Variants in TNRC6B observed in about 807,000 individuals in gnomAD.
TNRC6B encodes the protein trinucleotide repeat containing adaptor 6B.
Under a neutral mutation model 203.6 loss-of-function variants are expected in TNRC6B, and 52 were observed. The observed-to-expected ratio is 0.26, with a 90% CI of 0.20 to 0.32. TNRC6B has a LOEUF of 0.32. TNRC6B is among the 10% of genes least tolerant of loss of function. The pLI, the probability that TNRC6B is intolerant of heterozygous loss-of-function variation, is 1.00. For synonymous variants in TNRC6B, 838 were observed against 845.7 expected (o/e 0.99, Z 0.16); for missense variants, 1,923 against 2,286.2 (o/e 0.84, Z 3.24).
chr22:40,174,180 T>C (rs1422305341), upstream of TNRC6B, among the ~76,000 whole-genome samples: 1 of 151,868 alleles, frequency 6.6e-6, no homozygotes, highest in Non-Finnish European at 1.5e-5. Context: ...TTTTTTTTTT[T>C]AGAGACAGAG....
chr22:40,208,204 G>A (rs2069512493), intron 1 of TNRC6B, among the ~76,000 whole-genome samples: 1 of 152,024 alleles, frequency 6.6e-6, no homozygotes, highest in Non-Finnish European at 1.5e-5. Flanking sequence ...TCTGGTGGGA[G>A]TGTAAATTGT....
rs554407324 is a variant in TNRC6B, at chr22:40,264,765, A to G, written c.535A>G (p.Thr179Ala). 3 of 1,612,112 alleles carry G rather than the reference A, an allele frequency of 1.9e-6. No homozygotes were observed. The highest frequency in any genetic ancestry group is 2.5e-6 in the Non-Finnish European group (3 of 1,179,090). The part of the protein sequence containing the change: ...WGSGASSNNG[T>A]SPNPIHIWDK... ...CTCGGGAGCCTCCTCCAACAACGGC[A>G]CCTCCCCCAACCCAATTCACATCTG... is the stretch of plus-strand genomic sequence containing the variant. Residue 179 changes from threonine (T) to alanine (A), a missense_variant, in exon 5 of 23, where the codon ACC becomes GCC. Thr to Ala is a moderately conservative substitution (Grantham distance 58). Transcript: ENST00000454349.
At chr22:40,248,301 A>G (rs191680304) in intron 2 of TNRC6B, among the ~76,000 whole-genome samples, 145 of 152,276 alleles carry the variant, frequency 9.5e-4, no homozygotes, top group East Asian at 1.2e-3. Flanking sequence ...AACCTCAGTG[A>G]AAGTTTTCTT....
At chr22:40,253,730 G>A (rs1232763334) in intron 3 of TNRC6B, 1 of 456,128 alleles carries the variant, frequency 2.2e-6, no homozygotes, top group East Asian at 6.9e-5. Context: ...TAAACAGAGG[G>A]AGGGCCTGAC....
At chr22:40,255,713 T>A (rs1247892404) in intron 3 of TNRC6B, among the ~76,000 whole-genome samples, 1 of 152,160 alleles carries the variant, frequency 6.6e-6, no homozygotes, top group Non-Finnish European at 1.5e-5. Flanking sequence ...GTTGACAAAT[T>A]CCTTGCCCAA....
At chr22:40,267,883 G>A (rs1194592228) in intron 5 of TNRC6B, among the ~76,000 whole-genome samples, 2 of 151,178 alleles carry the variant, frequency 1.3e-5, no homozygotes, top group Non-Finnish European at 3.0e-5. Flanking sequence ...AAAAAAAAGA[G>A]CGATTGTTAG....
At chr22:40,138,481 G>C (rs2068619152) in intron 3 of TNRC6B, among the ~76,000 whole-genome samples, 1 of 152,138 alleles carries the variant, frequency 6.6e-6, no homozygotes, top group Non-Finnish European at 1.5e-5. Flanking sequence ...GGCCAGACTG[G>C]TCTCGAATTC....
chr22:40,112,758 T>A (rs1292908128), intron 1 of TNRC6B, among the ~76,000 whole-genome samples: 1 of 152,124 alleles, frequency 6.6e-6, no homozygotes, highest in East Asian at 1.9e-4. Context: ...AGAAATCAAG[T>A]TGTGATGATT....
chr22:40,081,436 A>C (rs1263322612), intron 1 of TNRC6B, among the ~76,000 whole-genome samples: 1 of 151,392 alleles, frequency 6.6e-6, no homozygotes, highest in Non-Finnish European at 1.5e-5. Context: ...GTCTCATCAG[A>C]GTTCCCTGCT....
rs2044020142 is a variant in TNRC6B at position 40,335,194 on chromosome 22, T to C, written c.*11953T>C. 7.7e-6 allele frequency: 1 copy of C among 129,938 alleles called. No homozygotes were observed. Among genetic ancestry groups the C allele is most frequent in the South Asian group, 2.5e-4 (1 of 3,932 alleles). The allele number at this position is 129,938 out of a possible 1,614,324, so 8.0% of individuals were successfully genotyped here. Reference sequence around the variant, plus strand: ...TTTTTTTTTTTTTTTTTTTTTAGCATAGAGGTTTAATCAAACTCCCATATG... The same window carrying C: ...TTTTTTTTTTTTTTTTTTTTTAGCACAGAGGTTTAATCAAACTCCCATATG... On this transcript the variant is annotated 3_prime_UTR_variant, in exon 23 of 23. Coordinates refer to ENST00000454349, the MANE Select transcript of TNRC6B (RefSeq NM_001162501.2).
chr22:40,188,817 G>T (rs1338561479), intron 1 of TNRC6B, among the ~76,000 whole-genome samples: 1 of 152,168 alleles, frequency 6.6e-6, no homozygotes, highest in Non-Finnish European at 1.5e-5. Flanking sequence ...TGCTGAAACA[G>T]AAGTATTTAC....
intron 1 of TNRC6B, among the ~76,000 whole-genome samples, chr22:40,200,795 C>G (rs924661592): frequency 2.0e-5 from 3 of 152,104 alleles, no homozygotes; most frequent in African/African-American, 7.2e-5. Context: ...GGTCATCAGT[C>G]AAAACCCCTG....
rs1290582622 is a variant in TNRC6B at position 40,328,941 on chromosome 22, A to G, written c.*5700A>G. 6.6e-6 allele frequency: 1 copy of G among 152,622 alleles called. No homozygotes were observed. The highest frequency in any genetic ancestry group is 2.4e-5 in the African/African-American group (1 of 41,450). The allele number at this position is 152,622 out of a possible 1,614,324, so 9.5% of individuals were successfully genotyped here. A position where few individuals can be genotyped will look rare whatever the true frequency, so the allele number is the denominator to read the frequency against. ...ATTTTTCGCTGGTTAAAAAAAATCA[A>G]ACTTTCCTCTGCAGTGTTTTTGCCA... On this transcript the variant is annotated 3_prime_UTR_variant, in exon 23 of 23. Coordinates refer to ENST00000454349, the MANE Select transcript of TNRC6B (RefSeq NM_001162501.2).
At chr22:40,205,548 C>T (rs5757871) in intron 1 of TNRC6B, among the ~76,000 whole-genome samples, 1 of 152,124 alleles carries the variant, frequency 6.6e-6, no homozygotes, top group Non-Finnish European at 1.5e-5. Context: ...AAGTCCATTA[C>T]TGAATCTTGA....
chr22:40,205,943 G>A (rs1431294844), intron 1 of TNRC6B, among the ~76,000 whole-genome samples: 1 of 152,120 alleles, frequency 6.6e-6, no homozygotes, highest in South Asian at 2.1e-4. Flanking sequence ...GGTGATCCAC[G>A]CAATAGTACT....
At chr22:40,105,186 C>T (rs752714764) in intron 1 of TNRC6B, among the ~76,000 whole-genome samples, 3 of 152,140 alleles carry the variant, frequency 2.0e-5, no homozygotes, top group South Asian at 2.1e-4. Flanking sequence ...GCAGGCCATC[C>T]GAGGAATTTG....
intron 7 of TNRC6B, among the ~76,000 whole-genome samples, chr22:40,276,001 G>C (rs534685893): frequency 6.6e-6 from 1 of 150,590 alleles, no homozygotes; most frequent in East Asian, 2.0e-4. Flanking sequence ...AAAAAAACCT[G>C]TACTAAACTT....
intron 19 of TNRC6B, among the ~76,000 whole-genome samples, chr22:40,314,477 G>A (rs2071229863): frequency 6.6e-6 from 1 of 152,180 alleles, no homozygotes; most frequent in Non-Finnish European, 1.5e-5. Flanking sequence ...CCTGTGAACT[G>A]TTCAACCAAA....
At chr22:40,050,401 G>A (rs1396916367) in intron 1 of TNRC6B, among the ~76,000 whole-genome samples, 1 of 152,110 alleles carries the variant, frequency 6.6e-6, no homozygotes, top group East Asian at 1.9e-4. Flanking sequence ...TTAACTGCAA[G>A]GTCCTTCTTT....
Sources: gnomAD v4.1 joint callset for allele counts (sites outside exome capture counted in the v4.1 genomes callset) on GRCh38, gnomAD v4.1.1 for gene constraint, MANE v1.5 for transcripts, NCBI Gene and HGNC (gene_info 2026-07-23, HGNC 2026-07-21) for gene names.